The following ZNF721 variants were observed in gnomAD, a reference collection of about 807,000 sequenced individuals.
ZNF721 encodes zinc finger protein 721.
Under a neutral mutation model 2.4 loss-of-function variants are expected in ZNF721, and 2 were observed. The ratio of observed to expected loss-of-function variants is 0.82; its 90% CI spans 0.34 to 2.58. The LOEUF (loss-of-function observed/expected upper bound fraction) is 2.58, where lower values mean the gene tolerates loss of function less well. Ranked by LOEUF, ZNF721 falls within the 30% of genes most tolerant of loss-of-function variation. The probability of loss-of-function intolerance (pLI) is 0.11; values close to 1 mark genes in which losing one functional copy is unlikely to be tolerated. For synonymous variants in ZNF721, 398 were observed against 381.8 expected, an observed-to-expected ratio of 1.04 and a Z score of -0.50; for missense variants, 1,187 against 1,085.5, an observed-to-expected ratio of 1.09 and a Z score of -1.31.
At position 495,881 on chromosome 4, in the gene ZNF721, C is replaced by A. The variant is rs1192736238; in HGVS notation, c.-94+3175G>T. Among the ~76,000 whole-genome samples, 4 of 152,148 alleles carry A rather than the reference C, an allele frequency of 2.6e-5. No homozygotes were observed. The East Asian group carries it at 7.7e-4, about 29-fold the overall frequency. On this transcript the variant is annotated intron_variant, in intron 1 of 2. Coordinates refer to ENST00000511833, the MANE Select transcript of ZNF721 (RefSeq NM_133474.4). The stretch of plus-strand genomic sequence containing the variant: ...CCTCCCAAAATGCTGGGATTACAGG[C>A]GTGAGCCACTGAGCATGGCCAAATT...
At chr4:463,517 C>G (rs1715134650) in intron 2 of ZNF721, among the ~76,000 whole-genome samples, 1 of 152,126 alleles carries the variant, frequency 6.6e-6, no homozygotes, top group South Asian at 2.1e-4. Flanking sequence ...AAATGCCCAT[C>G]AATGGTAGAC....
intron 1 of ZNF721, among the ~76,000 whole-genome samples, chr4:497,858 A>G (rs1230289139): frequency 6.6e-6 from 1 of 151,564 alleles, no homozygotes; most frequent in Non-Finnish European, 1.5e-5. Context: ...AGATGGTGCC[A>G]CTGCACTCCA....
intron 1 of ZNF721, among the ~76,000 whole-genome samples, chr4:495,892 G>A (rs1355281352): frequency 2.6e-5 from 4 of 152,142 alleles, no homozygotes; most frequent in African/African-American, 9.7e-5. Context: ...GTGAGCCACT[G>A]AGCATGGCCA....
At position 440,530 on chromosome 4, in the gene ZNF721, C is replaced by A. The variant is rs1714197633; in HGVS notation, c.*1165G>T. On this transcript the variant is annotated 3_prime_UTR_variant, in exon 3 of 3. Coordinates refer to ENST00000511833, the MANE Select transcript of ZNF721 (RefSeq NM_133474.4). ...TTAATACTCTGATTTATTTTAAAGT[C>A]TGAAGTGTTAGTTCCTTAGTTCTTT... is the stretch of plus-strand genomic sequence containing the variant. The A allele has an allele frequency of 6.6e-6, 1 of 152,162 alleles. No homozygotes were observed. Among genetic ancestry groups the A allele is most frequent in the Admixed American group, 6.5e-5 (1 of 15,272 alleles). 9.4% of individuals were successfully genotyped at this position (152,162 alleles called of 1,614,324 possible). A position where few individuals can be genotyped will look rare whatever the true frequency, so the allele number is the denominator to read the frequency against.
chr4:473,085 C>A (rs782218313), intron 1 of ZNF721, among the ~76,000 whole-genome samples: 2 of 152,062 alleles, frequency 1.3e-5, no homozygotes, highest in Non-Finnish European at 2.9e-5. Context: ...GAACAATAGA[C>A]AGGATGTGAG....
intron 2 of ZNF721, among the ~76,000 whole-genome samples, chr4:455,126 C>T (rs1714805455): frequency 6.6e-6 from 1 of 152,208 alleles, no homozygotes; most frequent in Non-Finnish European, 1.5e-5. Flanking sequence ...TTCCCTTCTC[C>T]CCTTCCCACT....
chr4:474,790 C>A (rs1188243151), intron 1 of ZNF721, among the ~76,000 whole-genome samples: 2 of 150,388 alleles, frequency 1.3e-5, no homozygotes, highest in East Asian at 4.0e-4. Context: ...ACAGGAGAAT[C>A]GCTTGAACCT....
intron 1 of ZNF721, among the ~76,000 whole-genome samples, chr4:495,580 C>G (rs1553872111): frequency 6.6e-6 from 1 of 150,390 alleles, no homozygotes; most frequent in East Asian, 1.9e-4. Context: ...CTTTGTGTGG[C>G]AAGTTTTAGA....
At chr4:484,446 G>C (rs76391038) in intron 1 of ZNF721, among the ~76,000 whole-genome samples, 2 of 152,202 alleles carry the variant, frequency 1.3e-5, no homozygotes, top group African/African-American at 4.8e-5. Context: ...CCGGTGAGCC[G>C]GGCGGAACAC....
chr4:494,386 C>T (rs1383109570), intron 1 of ZNF721, among the ~76,000 whole-genome samples: 1 of 151,822 alleles, frequency 6.6e-6, no homozygotes, highest in East Asian at 1.9e-4. Flanking sequence ...TGGGGTTTCA[C>T]CATGTTAGCC....
intron 2 of ZNF721, among the ~76,000 whole-genome samples, chr4:471,828 T>C (rs537917865): frequency 7.9e-5 from 12 of 152,310 alleles, no homozygotes; most frequent in Admixed American, 2.6e-4. Context: ...ATAAAATATA[T>C]GCATATATTA....
chr4:491,810 G>A (rs1553871494), intron 1 of ZNF721, among the ~76,000 whole-genome samples: 1 of 151,968 alleles, frequency 6.6e-6, no homozygotes, highest in African/African-American at 2.4e-5. Flanking sequence ...AATGTCACAA[G>A]TACTTTAAAA....
At chr4:465,838 G>A (rs1000622830) in intron 2 of ZNF721, among the ~76,000 whole-genome samples, 1 of 150,590 alleles carries the variant, frequency 6.6e-6, no homozygotes, top group Non-Finnish European at 1.5e-5. Flanking sequence ...GGAAACCAAA[G>A]CATATAACAA....
intron 1 of ZNF721, among the ~76,000 whole-genome samples, chr4:475,285 ATATTTTGGCCTT>A (rs1715597416): frequency 6.6e-6 from 1 of 152,104 alleles, no homozygotes; most frequent in African/African-American, 2.4e-5. Context: ...ATTGTTAGTA[ATATTTTGGCCTT>A]TATATTACAA....
chr4:446,370 G>A (rs1553864146), intron 2 of ZNF721, among the ~76,000 whole-genome samples: 1 of 150,160 alleles, frequency 6.7e-6, no homozygotes, highest in Admixed American at 6.6e-5. Flanking sequence ...CAGATGTAAT[G>A]AGGAAGTTTT....
chr4:462,854 A>G (rs1040894661), intron 2 of ZNF721, among the ~76,000 whole-genome samples: 41 of 152,332 alleles, frequency 2.7e-4, no homozygotes, highest in African/African-American at 9.4e-4. Flanking sequence ...CAAAGACTTC[A>G]TGACTAAAAC....
rs569375954 is a variant in ZNF721 at position 485,408 on chromosome 4, T to C, written c.-93-12707A>G. On this transcript the variant is annotated intron_variant, in intron 1 of 2. Transcript: ENST00000511833. ...AGGCCACCTAGCACAGTGGGCTTAG[T>C]ATGTGTGGAACTGGTTTGAATCAGG... Among the ~76,000 whole-genome samples the C allele has an allele frequency of 7.9e-5, 12 of 151,652 alleles. No homozygotes were observed. The East Asian group carries it at 2.4e-3, about 30-fold the overall frequency.
intron 1 of ZNF721, among the ~76,000 whole-genome samples, chr4:489,322 C>T (rs1553871078): frequency 2.0e-5 from 3 of 152,170 alleles, no homozygotes; most frequent in African/African-American, 7.2e-5. Context: ...AGAACTCAGC[C>T]CCACTTCTGG....
chr4:464,383 C>T (rs111630101), intron 2 of ZNF721, among the ~76,000 whole-genome samples: 4,408 of 149,102 alleles, frequency 0.03, 208 homozygotes, highest in African/African-American at 0.1. Flanking sequence ...GCAGGAGAAT[C>T]GCTTGAACTT....
Sources: gnomAD v4.1 joint callset for allele counts (sites outside exome capture counted in the v4.1 genomes callset) on GRCh38, gnomAD v4.1.1 for gene constraint, MANE v1.5 for transcripts, NCBI Gene and HGNC (gene_info 2026-07-23, HGNC 2026-07-21) for gene names.